Variants in CYTH1 observed in about 807,000 individuals in gnomAD.
CYTH1 encodes the protein cytohesin-1.
A neutral mutation model predicts 61.8 loss-of-function variants in CYTH1; 18 were observed. That is an observed-to-expected ratio of 0.29 (90% confidence interval 0.20 to 0.43). The LOEUF (loss-of-function observed/expected upper bound fraction) is 0.43. CYTH1 is among the 20% of genes least tolerant of loss of function. CYTH1 has a pLI of 1.00. For synonymous variants in CYTH1, 174 were observed against 184.3 expected, an observed-to-expected ratio of 0.94 and a Z score of 0.45; for missense variants, 336 against 510.5, an observed-to-expected ratio of 0.66 and a Z score of 3.29.
intron 4 of CYTH1, 57 bp from the exon 5 acceptor site, chr17:78,702,297 A>C: frequency 7.1e-7 from 1 of 1,412,870 alleles, no homozygotes; most frequent in Non-Finnish European, 1.0e-6. Flanking sequence ...GTTGAAAAGA[A>C]GGGGAAAGGG....
chr17:78,765,683 T>C (rs1391105886), intron 1 of CYTH1, among the ~76,000 whole-genome samples: 1 of 152,160 alleles, frequency 6.6e-6, no homozygotes, highest in Non-Finnish European at 1.5e-5. Flanking sequence ...GTCCCCCAGA[T>C]GGTCCCCCAG....
intron 1 of CYTH1, among the ~76,000 whole-genome samples, chr17:78,751,055 C>T (rs1348335346): frequency 6.6e-6 from 1 of 152,120 alleles, no homozygotes; most frequent in Non-Finnish European, 1.5e-5. Flanking sequence ...GACATCCTGG[C>T]TCACTGCAAC....
chr17:78,738,639 C>A (rs561587562), intron 1 of CYTH1, among the ~76,000 whole-genome samples: 82 of 150,840 alleles, frequency 5.4e-4, no homozygotes, highest in African/African-American at 2.0e-3. Flanking sequence ...AAAAAAAAAA[C>A]ACTTTGTTTT....
At chr17:78,737,311 A>T (rs2093324520) in intron 1 of CYTH1, among the ~76,000 whole-genome samples, 1 of 152,230 alleles carries the variant, frequency 6.6e-6, no homozygotes. Context: ...CTATGTAAAC[A>T]GCTGTTATGC....
intron 11 of CYTH1, among the ~76,000 whole-genome samples, chr17:78,686,542 G>A (rs893618134): frequency 6.6e-6 from 1 of 152,110 alleles, no homozygotes; most frequent in African/African-American, 2.4e-5. Context: ...ATGCAGTCTC[G>A]TAGAGAATGG....
chr17:78,771,803 G>A (rs531974373), intron 1 of CYTH1, among the ~76,000 whole-genome samples: 2 of 151,672 alleles, frequency 1.3e-5, no homozygotes, highest in African/African-American at 4.8e-5. Flanking sequence ...TATTATCCTG[G>A]CCCTTACTAT....
chr17:78,741,524 T>C (rs1317571371), intron 1 of CYTH1, among the ~76,000 whole-genome samples: 1 of 152,050 alleles, frequency 6.6e-6, no homozygotes, highest in African/African-American at 2.4e-5. Context: ...AAAGGTAAGA[T>C]AGGCACCACC....
At position 78,675,943 on chromosome 17, in the gene CYTH1, A is replaced by C; in HGVS notation, c.*148T>G. 1 of 1,547,604 alleles carries C rather than the reference A, an allele frequency of 6.5e-7. No individual in the cohort carries two copies. On this transcript the variant is annotated 3_prime_UTR_variant, in exon 14 of 14. Transcript: ENST00000446868. ...ACTGCCCACCCTTCTCCCACTTAAA[A>C]AAAATAGCAAAAGCTGAAGCTAGTC...
chr17:78,738,094 C>T (rs926949052), intron 1 of CYTH1, among the ~76,000 whole-genome samples: 1 of 152,128 alleles, frequency 6.6e-6, no homozygotes, highest in Non-Finnish European at 1.5e-5. Context: ...CGTTTCGGCA[C>T]ATCTCTTTAA....
At chr17:78,716,099 A>G (rs73389816) in intron 1 of CYTH1, among the ~76,000 whole-genome samples, 1 of 152,314 alleles carries the variant, frequency 6.6e-6, no homozygotes, top group African/African-American at 2.4e-5. Flanking sequence ...CAGTGAGAGA[A>G]GGAAGGAAGA....
chr17:78,766,019 T>G (rs1598922444), intron 1 of CYTH1, among the ~76,000 whole-genome samples: 2 of 126,482 alleles, frequency 1.6e-5, no homozygotes, highest in East Asian at 2.5e-4. Context: ...ACTTTGGGGG[T>G]GGGAGGATCG....
intron 2 of CYTH1, among the ~76,000 whole-genome samples, 197 bp from the exon 3 acceptor site, chr17:78,708,458 T>C (rs2093092381): frequency 6.6e-6 from 1 of 152,216 alleles, no homozygotes; most frequent in Admixed American, 6.5e-5. Context: ...ACAGTAAGCA[T>C]TCCAGAAAAC....
chr17:78,773,145 G>C (rs778766750), intron 1 of CYTH1, among the ~76,000 whole-genome samples: 33 of 151,924 alleles, frequency 2.2e-4, no homozygotes, highest in Non-Finnish European at 4.7e-4. Context: ...AAACTGAACA[G>C]TTTATCATTA....
At chr17:78,727,967 A>G in intron 1 of CYTH1, 1 of 276,158 alleles carries the variant, frequency 3.6e-6, no homozygotes, top group South Asian at 3.0e-5. Flanking sequence ...AGAGGTGCTG[A>G]CCCATGAGAG....
At chr17:78,714,691 G>A (rs111758338) in intron 1 of CYTH1, among the ~76,000 whole-genome samples, 4,919 of 152,208 alleles carry the variant, frequency 0.032, 269 homozygotes, top group African/African-American at 0.11. Context: ...CACTCGCCCT[G>A]AAGCCAAGCC....
intron 1 of CYTH1, among the ~76,000 whole-genome samples, chr17:78,728,300 C>T (rs547603248): frequency 6.6e-6 from 1 of 152,194 alleles, no homozygotes; most frequent in African/African-American, 2.4e-5. Flanking sequence ...AATTCCAGCA[C>T]TTTTGGGGGC....
Position 78,680,228 on chromosome 17 carries a change from C to T in CYTH1, c.1080G>A (p.Pro360=), listed in dbSNP as rs200419184. ...TCCACTCCTCCTTCTCCTCGGGCGTCGGAGCTGAGATCCGGTAAACAGTGT... is the reference window on the plus strand; with the variant it reads ...TCCACTCCTCCTTCTCCTCGGGCGTTGGAGCTGAGATCCGGTAAACAGTGT... ...GNHTVYRISA[P]TPEEKEEWIK... is the part of the protein sequence containing the mutation. Residue 360 remains proline, a synonymous_variant, in exon 13 of 14, where the codon CCG becomes CCA. Coordinates refer to ENST00000446868, the MANE Select transcript of CYTH1 (RefSeq NM_004762.6). 37 of 1,614,192 alleles carry T rather than the reference C, an allele frequency of 2.3e-5. No individual in the cohort carries two copies. Among genetic ancestry groups the T allele is most frequent in the East Asian group, 1.1e-4 (5 of 44,880 alleles).
chr17:78,706,239 C>T (rs2093064276), intron 3 of CYTH1, among the ~76,000 whole-genome samples: 1 of 152,164 alleles, frequency 6.6e-6, no homozygotes, highest in Non-Finnish European at 1.5e-5. Context: ...CAGATTAATA[C>T]AGAATATTCC....
At chr17:78,708,521 A>G (rs941172820) in intron 2 of CYTH1, among the ~76,000 whole-genome samples, 1 of 152,248 alleles carries the variant, frequency 6.6e-6, no homozygotes, top group East Asian at 1.9e-4. Context: ...ACGGTCTAGG[A>G]AAGTTTATAA....
Sources: allele counts gnomAD v4.1 joint callset (sites outside exome capture counted in the v4.1 genomes callset), GRCh38; gene constraint gnomAD v4.1.1; transcripts MANE v1.5; gene names NCBI Gene and HGNC (gene_info 2026-07-23, HGNC 2026-07-21).